The following IRAK1BP1 variants were observed in gnomAD, a reference collection of about 807,000 sequenced individuals.
The protein encoded by IRAK1BP1 is interleukin-1 receptor-associated kinase 1-binding protein 1.
A neutral mutation model predicts 28.0 loss-of-function variants in IRAK1BP1; 24 were observed. The ratio of observed to expected loss-of-function variants is 0.86; its 90% CI spans 0.62 to 1.20. IRAK1BP1 has a LOEUF of 1.20. Ranked by LOEUF, IRAK1BP1 falls within the 50% of genes most tolerant of loss-of-function variation. The pLI is 0.00. For missense variants in IRAK1BP1, 336 were observed against 316.7 expected (o/e 1.06, Z -0.46); for synonymous variants, 131 against 116.3 (o/e 1.13, Z -0.81).
chr6:78,978,804 TA>T, the IRAK1BP1 span: 1 of 1,031,780 alleles, frequency 9.7e-7, no homozygotes, highest in East Asian at 2.7e-5. Flanking sequence ...GATAATTAAA[TA>T]AAAGGGGAAG....
At chr6:78,947,841 G>A (rs966622241), downstream of IRAK1BP1, 6 of 1,097,474 alleles carry the variant, frequency 5.5e-6, no homozygotes, top group African/African-American at 6.3e-5. Context: ...TCAGTGCAGG[G>A]ATTCGCACAG....
At chr6:78,897,735 C>T (rs2127654490) in intron 2 of IRAK1BP1, 94 bp from the exon 3 acceptor site, 1 of 1,005,816 alleles carries the variant, frequency 9.9e-7, no homozygotes, top group East Asian at 2.5e-5. Flanking sequence ...AAAATGACCT[C>T]ATAGTCTGGC....
chr6:78,925,226 G>A (rs558892174), intron 4 of IRAK1BP1, among the ~76,000 whole-genome samples: 18 of 151,978 alleles, frequency 1.2e-4, no homozygotes, highest in African/African-American at 4.1e-4. Context: ...GTTAAATGAC[G>A]GAGTTAGTGG....
At chr6:78,920,111 G>A (rs187663110) in intron 4 of IRAK1BP1, among the ~76,000 whole-genome samples, 12 of 152,180 alleles carry the variant, frequency 7.9e-5, no homozygotes, top group Admixed American at 7.9e-4. Flanking sequence ...AAAATTAGCT[G>A]GGTGTGATTG....
the IRAK1BP1 span, among the ~76,000 whole-genome samples, chr6:78,971,621 T>C: frequency 6.6e-6 from 1 of 151,906 alleles, no homozygotes; most frequent in Non-Finnish European, 1.5e-5. Context: ...AGGTAACGGG[T>C]TCATCTCACT....
the IRAK1BP1 span, chr6:78,965,712 G>A: frequency 1.3e-6 from 2 of 1,548,592 alleles, no homozygotes; most frequent in East Asian, 2.3e-5. Context: ...CCATTATTAG[G>A]TATAAGCTCC....
At chr6:78,911,575 ATCC>A (rs1772421640) in intron 4 of IRAK1BP1, among the ~76,000 whole-genome samples, 1 of 152,196 alleles carries the variant, frequency 6.6e-6, no homozygotes, top group Non-Finnish European at 1.5e-5. Context: ...ATAACATCAT[ATCC>A]TGCAGGACTG....
intron 1 of IRAK1BP1, among the ~76,000 whole-genome samples, chr6:78,878,978 A>G (rs1771115181): frequency 6.6e-6 from 1 of 152,224 alleles, no homozygotes; most frequent in Non-Finnish European, 1.5e-5. Flanking sequence ...CAAAGCCTCC[A>G]AGAAATATGC....
the IRAK1BP1 span, among the ~76,000 whole-genome samples, chr6:78,964,850 G>A: frequency 6.6e-6 from 1 of 152,058 alleles, no homozygotes; most frequent in Non-Finnish European, 1.5e-5. Context: ...AATTTATGAA[G>A]TCTTTATAAT....
intron 4 of IRAK1BP1, among the ~76,000 whole-genome samples, chr6:78,944,184 T>C (rs554314105): frequency 6.6e-6 from 1 of 152,068 alleles, no homozygotes; most frequent in East Asian, 1.9e-4. Flanking sequence ...TTAGGATGAC[T>C]GGGATACAAA....
chr6:78,880,050 G>T (rs917391684), intron 1 of IRAK1BP1, among the ~76,000 whole-genome samples: 1 of 152,182 alleles, frequency 6.6e-6, no homozygotes, highest in Non-Finnish European at 1.5e-5. Context: ...CCATTCCTGG[G>T]CAGTTGAGTG....
chr6:78,921,367 A>C (rs1772721279), intron 4 of IRAK1BP1, among the ~76,000 whole-genome samples: 1 of 152,222 alleles, frequency 6.6e-6, no homozygotes, highest in Non-Finnish European at 1.5e-5. Flanking sequence ...GGCCGCGGCA[A>C]GGCTGGGGGA....
chr6:78,942,344 G>A (rs902585283), intron 4 of IRAK1BP1, among the ~76,000 whole-genome samples: 36 of 152,140 alleles, frequency 2.4e-4, no homozygotes, highest in African/African-American at 8.2e-4. Context: ...GTAGCTGGGC[G>A]TGGTGGTGGG....
At position 78,899,459 on chromosome 6, in the gene IRAK1BP1, G is replaced by A. The variant is rs1335609442; in HGVS notation, c.*1125G>A. The A allele has an allele frequency of 6.6e-6, 1 of 152,176 alleles. No homozygotes were observed. Among genetic ancestry groups the A allele is most frequent in the Non-Finnish European group, 1.5e-5 (1 of 68,024 alleles). The allele number at this position is 152,176 out of a possible 1,614,324, so 9.4% of individuals were successfully genotyped here. A position where few individuals can be genotyped will look rare whatever the true frequency, so the allele number is the denominator to read the frequency against. On this transcript the variant is annotated 3_prime_UTR_variant, in exon 4 of 4. Transcript: ENST00000369940. The stretch of plus-strand genomic sequence containing the variant: ...GAATAATGAGGTATAATAGGAAAAT[G>A]TTTTGATGCCAAAAATAAAAGAGTT...
chr6:78,965,967 G>A, the IRAK1BP1 span: 14 of 1,608,132 alleles, frequency 8.7e-6, no homozygotes, highest in Non-Finnish European at 1.2e-5. Flanking sequence ...CATTGAAACA[G>A]ACTATCAGGG....
chr6:78,973,188 A>G, the IRAK1BP1 span, among the ~76,000 whole-genome samples: 1 of 152,078 alleles, frequency 6.6e-6, no homozygotes, highest in African/African-American at 2.4e-5. Context: ...CTCAGCAGAA[A>G]CTCTACAAGC....
the IRAK1BP1 span, among the ~76,000 whole-genome samples, chr6:78,973,309 T>C: frequency 1.3e-5 from 2 of 150,340 alleles, no homozygotes; most frequent in Non-Finnish European, 3.0e-5. Flanking sequence ...ATAAAATACT[T>C]TACAGACAAG....
chr6:78,956,537 T>TG, the IRAK1BP1 span: 1 of 152,138 alleles, frequency 6.6e-6, no homozygotes, highest in Non-Finnish European at 1.5e-5. Context: ...AACAGCCCCT[T>TG]GCTCTCAGAG....
exon 5 of IRAK1BP1, chr6:78,946,016 T>C (rs147788877): frequency 6.2e-7 from 1 of 1,607,178 alleles, no homozygotes; most frequent in Non-Finnish European, 8.5e-7. Context: ...TTCCCTGGTA[T>C]TGCAGATGCA....
Sources: allele counts gnomAD v4.1 joint callset (sites outside exome capture counted in the v4.1 genomes callset), GRCh38; gene constraint gnomAD v4.1.1; transcripts MANE v1.5; gene names NCBI Gene and HGNC (gene_info 2026-07-23, HGNC 2026-07-21).